Variants in PCDH15 observed in about 807,000 individuals in gnomAD.
The protein encoded by PCDH15 is protocadherin related 15.
Under a neutral mutation model 178.5 loss-of-function variants are expected in PCDH15, and 129 were observed. The ratio of observed to expected loss-of-function variants is 0.72; its 90% CI spans 0.63 to 0.84. The LOEUF (loss-of-function observed/expected upper bound fraction) is 0.84, where lower values mean the gene tolerates loss of function less well. PCDH15 is among the 40% of genes least tolerant of loss of function. The pLI is 0.00. For synonymous variants in PCDH15, 800 were observed against 732.0 expected, an observed-to-expected ratio of 1.09 and a Z score of -1.50; for missense variants, 2,230 against 2,099.9, an observed-to-expected ratio of 1.06 and a Z score of -1.21.
chr10:54,987,226 T>C (rs1447242364), intron 2 of PCDH15, among the ~76,000 whole-genome samples: 3 of 152,170 alleles, frequency 2.0e-5, no homozygotes, highest in Admixed American at 2.0e-4. Context: ...TAGTATTCCA[T>C]GGGGTGTATG....
At chr10:54,270,624 A>C (rs1315312666) in intron 8 of PCDH15, among the ~76,000 whole-genome samples, 1 of 152,124 alleles carries the variant, frequency 6.6e-6, no homozygotes, top group Non-Finnish European at 1.5e-5. Context: ...GAGTTGTATA[A>C]ATGTGATGTT....
intron 10 of PCDH15, among the ~76,000 whole-genome samples, chr10:54,201,455 T>C (rs1037313851): frequency 6.6e-6 from 1 of 151,948 alleles, no homozygotes; most frequent in Non-Finnish European, 1.5e-5. Flanking sequence ...ATTGCTTGTA[T>C]AGTAAATTCC....
At chr10:53,923,768 T>G (rs1382548987) in intron 25 of PCDH15, among the ~76,000 whole-genome samples, 4 of 152,222 alleles carry the variant, frequency 2.6e-5, no homozygotes, top group Non-Finnish European at 5.9e-5. Flanking sequence ...TTTTTGACTT[T>G]TCTTGAAACC....
At chr10:55,058,292 C>T (rs1279819581) in intron 2 of PCDH15, among the ~76,000 whole-genome samples, 2 of 152,070 alleles carry the variant, frequency 1.3e-5, no homozygotes, top group East Asian at 3.9e-4. Context: ...CATGCTCTAA[C>T]CTCCACCTCC....
chr10:54,241,944 A>G (rs150537581), intron 8 of PCDH15, among the ~76,000 whole-genome samples: 2 of 151,114 alleles, frequency 1.3e-5, no homozygotes, highest in African/African-American at 4.8e-5. Context: ...CTTCCTATTC[A>G]TTAGCTTTTC....
intron 2 of PCDH15, among the ~76,000 whole-genome samples, chr10:55,432,873 C>G (rs1456798088): frequency 1.3e-5 from 2 of 151,830 alleles, no homozygotes; most frequent in Non-Finnish European, 2.9e-5. Context: ...ATCCGCCCGC[C>G]TCGGCCTCCC....
At chr10:55,194,240 A>G (rs1840023161) in intron 1 of PCDH15, among the ~76,000 whole-genome samples, 1 of 151,986 alleles carries the variant, frequency 6.6e-6, no homozygotes, top group Admixed American at 6.6e-5. Flanking sequence ...TTACATTACA[A>G]TTTCCCCTTG....
chr10:54,698,715 A>C (rs1425508984), intron 1 of PCDH15, among the ~76,000 whole-genome samples: 1 of 152,154 alleles, frequency 6.6e-6, no homozygotes, highest in Admixed American at 6.6e-5. Flanking sequence ...CCTACAGTGA[A>C]TTTAGAGGTC....
chr10:55,494,242 A>T (rs1369077649), intron 2 of PCDH15, among the ~76,000 whole-genome samples: 1 of 151,768 alleles, frequency 6.6e-6, no homozygotes, highest in Admixed American at 6.6e-5. Context: ...TTATTGAATA[A>T]TTGTTTCTTT....
At chr10:54,032,404 T>A (rs899159080) in intron 18 of PCDH15, among the ~76,000 whole-genome samples, 5 of 152,030 alleles carry the variant, frequency 3.3e-5, no homozygotes, top group Non-Finnish European at 7.4e-5. Flanking sequence ...GGCTTATTTA[T>A]ATCATACAAT....
intron 2 of PCDH15, among the ~76,000 whole-genome samples, chr10:54,572,706 G>C (rs916361805): frequency 6.6e-6 from 1 of 152,042 alleles, no homozygotes; most frequent in Non-Finnish European, 1.5e-5. Flanking sequence ...ATTACAATGA[G>C]TTCTAGTTCT....
intron 3 of PCDH15, among the ~76,000 whole-genome samples, chr10:54,495,645 T>C (rs145595396): frequency 6.6e-6 from 1 of 152,298 alleles, no homozygotes; most frequent in East Asian, 1.9e-4. Context: ...TTTTCTTTTT[T>C]ATTCATCTCA....
At chr10:55,263,355 G>C (rs1842196373) in intron 1 of PCDH15, among the ~76,000 whole-genome samples, 1 of 152,110 alleles carries the variant, frequency 6.6e-6, no homozygotes, top group Non-Finnish European at 1.5e-5. Context: ...TGAGCATTTC[G>C]CTCAGCAGCC....
At chr10:53,945,108 T>C (rs953312337) in intron 23 of PCDH15, among the ~76,000 whole-genome samples, 9 of 152,204 alleles carry the variant, frequency 5.9e-5, no homozygotes, top group African/African-American at 2.2e-4. Context: ...TATCCTTACC[T>C]TCTAAATTTT....
intron 1 of PCDH15, among the ~76,000 whole-genome samples, 151 bp downstream of exon 1, chr10:54,800,774 C>G (rs1952590942): frequency 1.3e-5 from 2 of 152,118 alleles, no homozygotes; most frequent in Admixed American, 1.3e-4. Flanking sequence ...TAATCACTTG[C>G]AATCATTACT....
chr10:55,358,691 G>A (rs544675718), intron 2 of PCDH15, among the ~76,000 whole-genome samples: 1 of 152,076 alleles, frequency 6.6e-6, no homozygotes, highest in East Asian at 1.9e-4. Flanking sequence ...TTGGTTTAAA[G>A]AAATTTAATG....
intron 15 of PCDH15, among the ~76,000 whole-genome samples, chr10:54,090,500 C>T (rs1348641995): frequency 2.6e-5 from 4 of 151,974 alleles, no homozygotes; most frequent in Admixed American, 2.6e-4. Context: ...AGAAGTTACC[C>T]GGGTGCAGTG....
chr10:55,377,254 C>A (rs1486613099), intron 2 of PCDH15, among the ~76,000 whole-genome samples: 2 of 151,244 alleles, frequency 1.3e-5, no homozygotes, highest in African/African-American at 2.4e-5. Context: ...AAGAGGGAAA[C>A]ATTAATAATT....
intron 20 of PCDH15, among the ~76,000 whole-genome samples, chr10:54,003,793 A>G (rs994992787): frequency 3.3e-5 from 5 of 151,326 alleles, no homozygotes; most frequent in Admixed American, 3.3e-4. Flanking sequence ...AACTCATTCT[A>G]TAAAGACAAT....
Sources: gnomAD v4.1 joint callset for allele counts (sites outside exome capture counted in the v4.1 genomes callset) on GRCh38, gnomAD v4.1.1 for gene constraint, MANE v1.5 for transcripts, NCBI Gene and HGNC (gene_info 2026-07-23, HGNC 2026-07-21) for gene names.